Variants in PTPA observed in about 807,000 individuals in gnomAD.
PTPA encodes serine/threonine-protein phosphatase 2A activator.
PTPA carries 13 observed loss-of-function variants against 43.6 expected under a neutral mutation model. That is an observed-to-expected ratio of 0.30 (90% CI 0.19 to 0.47). PTPA has a LOEUF of 0.47. Ranked by LOEUF, PTPA falls within the 20% of genes least tolerant of loss-of-function variation. The pLI, the probability that PTPA is intolerant of heterozygous loss-of-function variation, is 0.99. For synonymous variants in PTPA, 172 were observed against 158.2 expected, an observed-to-expected ratio of 1.09 and a Z score of -0.66; for missense variants, 329 against 411.9, an observed-to-expected ratio of 0.80 and a Z score of 1.74.
intron 8 of PTPA, among the ~76,000 whole-genome samples, chr9:129,140,984 T>C (rs552526621): frequency 1.3e-5 from 2 of 151,994 alleles, no homozygotes; most frequent in African/African-American, 4.8e-5. Context: ...CAGAGTGGGC[T>C]TTGTCTCTGT....
chr9:129,144,938 C>T (rs1035005020), intron 9 of PTPA, among the ~76,000 whole-genome samples: 2 of 152,050 alleles, frequency 1.3e-5, no homozygotes, highest in Non-Finnish European at 2.9e-5. Context: ...GAGGCTGAGA[C>T]GGGAGAATCG....
intron 3 of PTPA, among the ~76,000 whole-genome samples, chr9:129,126,004 T>TG (rs1324140558): frequency 2.0e-5 from 3 of 151,756 alleles, no homozygotes; most frequent in African/African-American, 7.3e-5. Flanking sequence ...AAAAGTTAGC[T>TG]GGGCGTGGCG....
At position 129,129,116 on chromosome 9, in the gene PTPA, G is replaced by A. The variant is rs779471903; in HGVS notation, c.342+6G>A. ...GGTATGCCAAACTTGATGAGGTGAG[G>A]CTGCCACAGGACAGGCCAGGGACTG... On this transcript the variant is annotated splice_donor_region_variant and intron_variant, in intron 4 of 9. Transcript: ENST00000393370. 1 of 1,611,910 alleles carries A rather than the reference G, an allele frequency of 6.2e-7. No individual in the cohort carries two copies. Among genetic ancestry groups the A allele is most frequent in the Admixed American group, 1.7e-5 (1 of 59,990 alleles).
intron 9 of PTPA, among the ~76,000 whole-genome samples, chr9:129,145,208 G>T (rs1168057575): frequency 6.6e-6 from 1 of 151,804 alleles, no homozygotes; most frequent in Non-Finnish European, 1.5e-5. Flanking sequence ...GTGCGCACCT[G>T]TAATTCCAGC....
intron 1 of PTPA, among the ~76,000 whole-genome samples, chr9:129,112,117 C>T (rs1453019356): frequency 6.6e-6 from 1 of 152,176 alleles, no homozygotes; most frequent in Non-Finnish European, 1.5e-5. Context: ...ACCCCTCATC[C>T]TCCTACTCTC....
chr9:129,133,795 C>T (rs1485224274), intron 5 of PTPA, among the ~76,000 whole-genome samples: 2 of 152,222 alleles, frequency 1.3e-5, no homozygotes, highest in African/African-American at 4.8e-5. Flanking sequence ...ATTACACGTT[C>T]TCCCTTGCTC....
chr9:129,114,852 TTG>T (rs1420187471), intron 1 of PTPA, among the ~76,000 whole-genome samples: 1 of 152,164 alleles, frequency 6.6e-6, no homozygotes, highest in African/African-American at 2.4e-5. Flanking sequence ...TGATTTGGGA[TTG>T]TGTGTTCTGG....
At position 129,142,338 on chromosome 9, in the gene PTPA, T is replaced by TTGTGTGTG. The variant is rs57365080; in HGVS notation, c.787-96_787-89dup. 4 of 794,698 alleles carry TTGTGTGTG rather than the reference T, an allele frequency of 5.0e-6. No individual in the cohort carries two copies. In the East Asian group the frequency reaches 8.3e-5, roughly 16 times the overall value. 49.2% of individuals were successfully genotyped at this position (794,698 alleles called of 1,614,324 possible). On this transcript the variant is annotated intron_variant, in intron 8 of 9. Coordinates refer to ENST00000393370, the MANE Select transcript of PTPA (RefSeq NM_178000.3). ...GCGCGTGCATTGTGTGCGTGTGCGT[T>TTGTGTGTG]TGTGTGTGTGTGTGTGTGCATGCAT... is the stretch of plus-strand genomic sequence containing the variant.
chr9:129,130,011 G>C (rs756557631), intron 4 of PTPA, among the ~76,000 whole-genome samples: 13 of 152,206 alleles, frequency 8.5e-5, no homozygotes, highest in Non-Finnish European at 8.8e-5. Flanking sequence ...AGTGAGCTAT[G>C]ATGGAGCCAT....
At chr9:129,111,043 G>T (rs183904666), upstream of PTPA, 6 of 1,369,186 alleles carry the variant, frequency 4.4e-6, no homozygotes, top group African/African-American at 5.9e-5. Context: ...GTAGTGGTGT[G>T]CACCTTTCCA....
At chr9:129,112,945 C>CT (rs927233056) in intron 1 of PTPA, among the ~76,000 whole-genome samples, 7 of 142,224 alleles carry the variant, frequency 4.9e-5, no homozygotes, top group Non-Finnish European at 7.5e-5. Flanking sequence ...CCGTCACCCC[C>CT]CAAAAAAAAA....
At chr9:129,147,304 C>T in intron 9 of PTPA, 83 bp from the exon 10 acceptor site, 1 of 1,416,190 alleles carries the variant, frequency 7.1e-7, no homozygotes, top group Non-Finnish European at 9.9e-7. Context: ...GGATGGACAC[C>T]TGGGAGCTGC....
intron 9 of PTPA, among the ~76,000 whole-genome samples, chr9:129,145,751 C>T (rs1033611754): frequency 2.2e-5 from 2 of 92,592 alleles, no homozygotes; most frequent in African/African-American, 3.2e-5. Context: ...TGTCTTTCCT[C>T]TGGGCCATGG....
At chr9:129,119,505 A>C (rs1849111217) in intron 1 of PTPA, 1 of 150,796 alleles carries the variant, frequency 6.6e-6, no homozygotes, top group Non-Finnish European at 1.5e-5. Flanking sequence ...TCCCAGGTTC[A>C]CGCCATTCTT....
chr9:129,144,418 G>A (rs1030155547), intron 9 of PTPA, among the ~76,000 whole-genome samples: 1 of 152,072 alleles, frequency 6.6e-6, no homozygotes, highest in African/African-American at 2.4e-5. Flanking sequence ...CCTGTATAGG[G>A]TGACGCTGGA....
intron 3 of PTPA, among the ~76,000 whole-genome samples, chr9:129,124,965 G>T (rs1286649404): frequency 6.6e-6 from 1 of 152,232 alleles, no homozygotes; most frequent in Non-Finnish European, 1.5e-5. Flanking sequence ...AACCAGGCCT[G>T]TGCTTCTGGT....
chr9:129,124,495 A>G (rs1007237158), intron 3 of PTPA, among the ~76,000 whole-genome samples: 5 of 152,030 alleles, frequency 3.3e-5, no homozygotes, highest in Admixed American at 6.6e-5. Context: ...CAAAGGGCAC[A>G]TGCATTTTTT....
intron 1 of PTPA, chr9:129,111,856 A>C: frequency 8.6e-7 from 1 of 1,167,136 alleles, no homozygotes; most frequent in Non-Finnish European, 1.1e-6. Flanking sequence ...TTGGGGCGCA[A>C]CTCTGGGTTT....
At chr9:129,138,385 C>T (rs1454506062) in intron 8 of PTPA, among the ~76,000 whole-genome samples, 1 of 152,176 alleles carries the variant, frequency 6.6e-6, no homozygotes. Context: ...CTTATTGCAT[C>T]AGAATCTTAG....
Sources: allele counts gnomAD v4.1 joint callset (sites outside exome capture counted in the v4.1 genomes callset), GRCh38; gene constraint gnomAD v4.1.1; transcripts MANE v1.5; gene names NCBI Gene and HGNC (gene_info 2026-07-23, HGNC 2026-07-21).